Variants in FHIP2A observed in about 807,000 individuals in gnomAD.
FHIP2A encodes family with sequence similarity 160 member B1.
A neutral mutation model predicts 93.5 loss-of-function variants in FHIP2A; 46 were observed. The ratio of observed to expected loss-of-function variants is 0.49; its 90% CI spans 0.39 to 0.63. The LOEUF (loss-of-function observed/expected upper bound fraction) is 0.63, where lower values mean the gene tolerates loss of function less well. Ranked by LOEUF, FHIP2A falls within the 20% of genes least tolerant of loss-of-function variation. FHIP2A has a pLI of 0.00. For missense variants in FHIP2A, 769 were observed against 909.7 expected, an observed-to-expected ratio of 0.85 and a Z score of 1.99; for synonymous variants, 332 against 326.5, an observed-to-expected ratio of 1.02 and a Z score of -0.18.
At chr10:114,836,498 G>A (rs2083637681) in intron 5 of FHIP2A, among the ~76,000 whole-genome samples, 1 of 152,150 alleles carries the variant, frequency 6.6e-6, no homozygotes, top group Non-Finnish European at 1.5e-5. Flanking sequence ...CTTAAAAGAG[G>A]ACAGCTTGAA....
intron 1 of FHIP2A, among the ~76,000 whole-genome samples, chr10:114,823,661 ATTTT>A (rs71007496): frequency 2.2e-5 from 3 of 139,462 alleles, no homozygotes; most frequent in Non-Finnish European, 4.7e-5. Context: ...CACACGGCTA[ATTTT>A]TTTTTTTTTT....
chr10:114,892,133 G>T (rs1180984109), intron 16 of FHIP2A, among the ~76,000 whole-genome samples: 1 of 152,006 alleles, frequency 6.6e-6, no homozygotes, highest in Non-Finnish European at 1.5e-5. Context: ...GCAAAGAACA[G>T]AAAAAATATT....
At position 114,836,219 on chromosome 10, in the gene FHIP2A, C is replaced by A; in HGVS notation, c.495C>A (p.Asp165Glu). The A allele has an allele frequency of 6.3e-7, 1 of 1,597,136 alleles. No homozygotes were observed. Among genetic ancestry groups the A allele is most frequent in the Non-Finnish European group, 8.6e-7 (1 of 1,168,352 alleles). Residue 165 changes from aspartate (D) to glutamate (E), a missense_variant, in exon 5 of 17, where the codon GAC (aspartate) becomes GAA (glutamate). By Grantham distance (45) the Asp-to-Glu change is conservative. Transcript: ENST00000369248. ...TTGTGTGTGCGAAGCTGAAACAGGA[C>A]CCCTACCTGGTTAACTTTTTCCTAG... ...LCIVCAKLKQ[D>E]PYLVNFFLEN...
rs145789666 is a variant in FHIP2A, at chr10:114,870,264, G to C, written c.2192+8930G>C. ...GATGTTGGATAGGCGCAAATGCTGA[G>C]TTTTTCTGCTGATTCCTGTGTTATA... On this transcript the variant is annotated intron_variant, in intron 16 of 16. Transcript: ENST00000369250. 3.5e-4 allele frequency among the ~76,000 whole-genome samples: 54 copies of C among 152,244 alleles called. No homozygotes were observed. In the East Asian group the frequency reaches 8.9e-3, roughly 25 times the overall value.
intron 16 of FHIP2A, among the ~76,000 whole-genome samples, chr10:114,876,607 G>T (rs2083890424): frequency 6.6e-6 from 1 of 152,160 alleles, no homozygotes; most frequent in Non-Finnish European, 1.5e-5. Flanking sequence ...CGGGTTCCTA[G>T]GCCTCTTGAA....
intron 16 of FHIP2A, among the ~76,000 whole-genome samples, chr10:114,885,750 C>T (rs1044841303): frequency 6.6e-5 from 10 of 152,220 alleles, no homozygotes; most frequent in African/African-American, 2.2e-4. Context: ...CAGGAATAAT[C>T]ATCTCTCATT....
At position 114,862,841 on chromosome 10, in the gene FHIP2A, G is replaced by A. The variant is rs2083808393; in HGVS notation, c.*1301G>A. On this transcript the variant is annotated 3_prime_UTR_variant, in exon 17 of 17. Coordinates refer to ENST00000369248, the MANE Select transcript of FHIP2A (RefSeq NM_020940.4). The stretch of plus-strand genomic sequence containing the variant: ...TCTTTCCATTTACTGATATTTGGGG[G>A]AACAGGCTATCAAAGGTTCCGGCTT... 1 of 985,276 alleles carries A rather than the reference G, an allele frequency of 1.0e-6. No homozygotes were observed. The highest frequency in any genetic ancestry group is 1.7e-5 in the African/African-American group (1 of 57,226). 61.0% of individuals were successfully genotyped at this position (985,276 alleles called of 1,614,324 possible).
In FHIP2A at chr10:114,861,914, T is replaced by C. The variant is rs1592026509; in HGVS notation, c.*374T>C. 1 of 988,536 alleles carries C rather than the reference T, an allele frequency of 1.0e-6. No individual in the cohort carries two copies. The highest frequency in any genetic ancestry group is 1.7e-5 in the African/African-American group (1 of 57,298). The allele number at this position is 988,536 out of a possible 1,614,324, so 61.2% of individuals were successfully genotyped here. A position where few individuals can be genotyped will look rare whatever the true frequency, so the allele number is the denominator to read the frequency against. On this transcript the variant is annotated 3_prime_UTR_variant, in exon 17 of 17. Transcript: ENST00000369248. The stretch of plus-strand genomic sequence containing the variant: ...TAGGTAGCAAGGCATTTTGACATTC[T>C]CTGGGACTCAAATGCTTGTATTCTT...
chr10:114,868,435 C>G (rs560645681), downstream of FHIP2A, among the ~76,000 whole-genome samples: 4 of 152,216 alleles, frequency 2.6e-5, no homozygotes, highest in Admixed American at 2.0e-4. Flanking sequence ...AAATCATCCC[C>G]AAGTCTGTGC....
chr10:114,864,526 T>C lies in FHIP2A; in HGVS notation c.*2986T>C, dbSNP rs898031203. 2 of 985,720 alleles carry C rather than the reference T, an allele frequency of 2.0e-6. No homozygotes were observed. The highest frequency in any genetic ancestry group is 3.5e-5 in the African/African-American group (2 of 57,234). 61.1% of individuals were successfully genotyped at this position (985,720 alleles called of 1,614,324 possible). A position where few individuals can be genotyped will look rare whatever the true frequency, so the allele number is the denominator to read the frequency against. ...TTGGTAAATTTTTTTGTATTGAAAG[T>C]TGTGTAGGTTACTGACAGTGTTACC... On this transcript the variant is annotated 3_prime_UTR_variant, in exon 17 of 17. Transcript: ENST00000369248.
intron 5 of FHIP2A, among the ~76,000 whole-genome samples, chr10:114,838,949 A>G (rs2083652232): frequency 6.6e-6 from 1 of 152,138 alleles, no homozygotes; most frequent in Admixed American, 6.6e-5. Context: ...ACAGTCCCCC[A>G]GCACTGGTTA....
At chr10:114,878,791 A>AAAAAAAAAAAAAAAAAG (rs1555247326) in intron 16 of FHIP2A, among the ~76,000 whole-genome samples, 3 of 135,462 alleles carry the variant, frequency 2.2e-5, no homozygotes, top group Non-Finnish European at 4.7e-5. Context: ...AAAAAAAAAA[A>AAAAAAAAAAAAAAAAAG]AAAGAAAGAA....
chr10:114,887,684 C>A (rs143495715), intron 16 of FHIP2A, among the ~76,000 whole-genome samples: 1 of 152,200 alleles, frequency 6.6e-6, no homozygotes, highest in Non-Finnish European at 1.5e-5. Flanking sequence ...TGAGAATTAA[C>A]GATGTGTACT....
intron 16 of FHIP2A, among the ~76,000 whole-genome samples, chr10:114,870,491 A>G (rs2083854189): frequency 6.6e-6 from 1 of 152,020 alleles, no homozygotes; most frequent in Non-Finnish European, 1.5e-5. Context: ...GGCAGGCTCT[A>G]CTCTCTTGAC....
rs1424200439 is a variant in FHIP2A at position 114,863,132 on chromosome 10, A to T, written c.*1592A>T. 1 of 979,988 alleles carries T rather than the reference A, an allele frequency of 1.0e-6. No individual in the cohort carries two copies. Among genetic ancestry groups the T allele is most frequent in the Non-Finnish European group, 1.2e-6 (1 of 825,058 alleles). The allele number at this position is 979,988 out of a possible 1,614,324, so 60.7% of individuals were successfully genotyped here. ...CTCTAATTTCATGCAAATCTTTGTT[A>T]GCTTATTCTAAGAAATTTATTAAGT... is the stretch of plus-strand genomic sequence containing the variant. On this transcript the variant is annotated 3_prime_UTR_variant, in exon 17 of 17. Transcript: ENST00000369248.
rs1218966698 is a variant in FHIP2A, at chr10:114,862,950, G to A, written c.*1410G>A. The A allele has an allele frequency of 2.0e-6, 2 of 985,244 alleles. No individual in the cohort carries two copies. Among genetic ancestry groups the A allele is most frequent in the Non-Finnish European group, 2.4e-6 (2 of 829,922 alleles). 61.0% of individuals were successfully genotyped at this position (985,244 alleles called of 1,614,324 possible). ...CGCATTGTGTGGCATGTGCATAGAGGCTTGTTTTACACCTATCTGCTCATT... is the reference window on the plus strand; with the variant it reads ...CGCATTGTGTGGCATGTGCATAGAGACTTGTTTTACACCTATCTGCTCATT... On this transcript the variant is annotated 3_prime_UTR_variant, in exon 17 of 17. Transcript: ENST00000369248.
At position 114,835,213 on chromosome 10, in the gene FHIP2A, C is replaced by T. The variant is rs1265246211; in HGVS notation, c.295-324C>T. Among the ~76,000 whole-genome samples, 17 of 152,272 alleles carry T rather than the reference C, an allele frequency of 1.1e-4. No homozygotes were observed. In the South Asian group the frequency reaches 3.5e-3, roughly 32 times the overall value. ...CTATTACAGTTTCATGTTACCCCAG[C>T]ATTTAGAATATAAACAGGTTGACAT... On this transcript the variant is annotated intron_variant, in intron 3 of 16. Transcript: ENST00000369248.
rs183710204 is a variant in FHIP2A at position 114,883,233 on chromosome 10, A to T, written c.2193-16257A>T. Reference sequence around the variant, plus strand: ...TTATATCACACTCTTCCTATGAGGAAATATTCCAAGTTTCACACGCCTGCT... The same window carrying T: ...TTATATCACACTCTTCCTATGAGGATATATTCCAAGTTTCACACGCCTGCT... On this transcript the variant is annotated intron_variant, in intron 16 of 16. Coordinates refer to the FHIP2A transcript ENST00000369250. Among the ~76,000 whole-genome samples the T allele has an allele frequency of 2.6e-5, 4 of 152,314 alleles. No homozygotes were observed. The East Asian group carries it at 7.7e-4, about 29-fold the overall frequency.
At chr10:114,848,449 C>G (rs1393397346) in intron 12 of FHIP2A, among the ~76,000 whole-genome samples, 198 bp from the exon 13 acceptor site, 15 of 152,058 alleles carry the variant, frequency 9.9e-5, no homozygotes. Flanking sequence ...CAGGAATTAA[C>G]AACATATAAT....
Sources: gnomAD v4.1 joint callset for allele counts (sites outside exome capture counted in the v4.1 genomes callset) on GRCh38, gnomAD v4.1.1 for gene constraint, MANE v1.5 for transcripts, NCBI Gene and HGNC (gene_info 2026-07-23, HGNC 2026-07-21) for gene names.